Variants in SYNPO2 observed in about 807,000 individuals in gnomAD.
SYNPO2 encodes synaptopodin-2.
In SYNPO2, 56 loss-of-function variants were observed where a neutral mutation model predicts 85.0. The observed-to-expected ratio is 0.66, with a 90% confidence interval of 0.53 to 0.82. SYNPO2 has a LOEUF of 0.82. SYNPO2 is among the 40% of genes least tolerant of loss of function. SYNPO2 has a pLI of 0.00. For synonymous variants in SYNPO2, 602 were observed against 591.1 expected (o/e 1.02, Z -0.27); for missense variants, 1,575 against 1,534.2 (o/e 1.03, Z -0.44).
At position 119,031,702 on chromosome 4, in the gene SYNPO2, T is replaced by C; in HGVS notation, c.2927T>C (p.Leu976Ser). The change falls in exon 4 of 5, where the codon TTG becomes TCG. Residue 976 changes from leucine (L) to serine (S), a missense_variant. Leu to Ser is a moderately radical substitution (Grantham distance 145). This residue lies in a region of SYNPO2 where 1,508 missense variants were observed against 1,446.8 expected (regional missense o/e 1.04). Coordinates refer to ENST00000307142, the MANE Select transcript of SYNPO2 (RefSeq NM_133477.3). Reference protein sequence around the residue: ...KHQPYQLNASLFTFQPPDAKD... With the variant: ...KHQPYQLNASSFTFQPPDAKD... ...CAACCGTATCAGCTCAATGCATCCT[T>C]GTTTACTTTCCAACCTCCAGATGCA... is the stretch of plus-strand genomic sequence containing the variant. 1 of 1,614,184 alleles carries C rather than the reference T, an allele frequency of 6.2e-7. No individual in the cohort carries two copies. The highest frequency in any genetic ancestry group is 1.1e-5 in the South Asian group (1 of 91,082).
intron 4 of SYNPO2, among the ~76,000 whole-genome samples, chr4:119,049,368 T>A (rs571125546): frequency 1.3e-5 from 2 of 152,324 alleles, no homozygotes; most frequent in Admixed American, 1.3e-4. Flanking sequence ...TTTGTGATGA[T>A]CATTTACTGA....
intron 1 of SYNPO2, among the ~76,000 whole-genome samples, chr4:118,895,492 T>C (rs1228220263): frequency 2.6e-5 from 4 of 152,150 alleles, no homozygotes; most frequent in South Asian, 2.1e-4. Flanking sequence ...ATGTGTATGG[T>C]TTCTTCCGGG....
At chr4:118,935,623 G>T (rs754134718) in intron 1 of SYNPO2, among the ~76,000 whole-genome samples, 7 of 152,222 alleles carry the variant, frequency 4.6e-5, no homozygotes, top group Non-Finnish European at 1.0e-4. Flanking sequence ...AAATGCAGGC[G>T]CTGGGGCGCC....
intron 1 of SYNPO2, 110 bp from the exon 2 acceptor site, chr4:119,023,320 T>G (rs1737811861): frequency 3.3e-6 from 4 of 1,196,284 alleles, no homozygotes; most frequent in Non-Finnish European, 4.6e-6. Context: ...AACAGGTGAA[T>G]TAAAATTCAG....
intron 1 of SYNPO2, among the ~76,000 whole-genome samples, chr4:118,929,986 T>C (rs908307820): frequency 5.9e-5 from 9 of 152,156 alleles, no homozygotes; most frequent in Non-Finnish European, 8.8e-5. Context: ...GTTATAATGA[T>C]AAACGTCTTT....
chr4:119,013,127 A>G (rs768558526), intron 1 of SYNPO2, among the ~76,000 whole-genome samples: 1 of 152,192 alleles, frequency 6.6e-6, no homozygotes, highest in Non-Finnish European at 1.5e-5. Context: ...TGACATTTGC[A>G]TGGATAGTGC....
At chr4:119,017,170 A>G (rs1031514164) in intron 1 of SYNPO2, among the ~76,000 whole-genome samples, 9 of 152,288 alleles carry the variant, frequency 5.9e-5, no homozygotes, top group African/African-American at 1.9e-4. Flanking sequence ...TACACCTGTC[A>G]CCAGATTTGA....
At chr4:118,855,376 C>T (rs1731487132) in intron 1 of SYNPO2, among the ~76,000 whole-genome samples, 2 of 152,014 alleles carry the variant, frequency 1.3e-5, no homozygotes, top group South Asian at 4.1e-4. Context: ...TAATTACTCT[C>T]AATGGAGGCA....
At chr4:118,952,135 T>A (rs2149143047) in intron 1 of SYNPO2, among the ~76,000 whole-genome samples, 1 of 152,298 alleles carries the variant, frequency 6.6e-6, no homozygotes, top group African/African-American at 2.4e-5. Context: ...AGCTCTGGAA[T>A]AATTACAAGC....
chr4:119,049,486 G>A (rs1177159732), intron 4 of SYNPO2, among the ~76,000 whole-genome samples: 1 of 152,186 alleles, frequency 6.6e-6, no homozygotes, highest in African/African-American at 2.4e-5. Flanking sequence ...CAAGAGAATT[G>A]TATCACTTTC....
chr4:118,853,723 T>A (rs1731461339), intron 1 of SYNPO2, among the ~76,000 whole-genome samples: 1 of 152,130 alleles, frequency 6.6e-6, no homozygotes, highest in Non-Finnish European at 1.5e-5. Flanking sequence ...TTCAACATCA[T>A]TGCCTCCTAC....
chr4:119,007,261 T>TATATATATATGTATATAC (rs1737100897), intron 1 of SYNPO2, among the ~76,000 whole-genome samples: 2 of 29,360 alleles, frequency 6.8e-5, no homozygotes, highest in African/African-American at 2.0e-4. Context: ...TACATATATA[T>TATATATATATGTATATAC]ATATATATAT....
At chr4:119,056,146 G>A (rs1364456646) in intron 4 of SYNPO2, among the ~76,000 whole-genome samples, 1 of 152,188 alleles carries the variant, frequency 6.6e-6, no homozygotes, top group Non-Finnish European at 1.5e-5. Context: ...ATCTCACACA[G>A]CCTCATGCAT....
At chr4:118,990,622 T>G (rs1736381166) in intron 1 of SYNPO2, among the ~76,000 whole-genome samples, 1 of 152,116 alleles carries the variant, frequency 6.6e-6, no homozygotes, top group South Asian at 2.1e-4. Context: ...TGTTTGTTTG[T>G]TTTTGAGACA....
intron 4 of SYNPO2, 109 bp downstream of exon 4, chr4:119,032,136 G>A (rs760897235): frequency 6.6e-7 from 1 of 1,512,770 alleles, no homozygotes; most frequent in African/African-American, 1.4e-5. Context: ...AGAATGCCTA[G>A]CAAAGTCCTC....
intron 1 of SYNPO2, among the ~76,000 whole-genome samples, chr4:118,984,827 A>G (rs1736156339): frequency 6.6e-6 from 1 of 152,190 alleles, no homozygotes; most frequent in African/African-American, 2.4e-5. Context: ...GCTTGGTTCA[A>G]TGCATTTCAC....
chr4:118,984,967 A>G (rs1432240701), intron 1 of SYNPO2, among the ~76,000 whole-genome samples: 1 of 152,208 alleles, frequency 6.6e-6, no homozygotes, highest in Non-Finnish European at 1.5e-5. Flanking sequence ...TGTCATTGAC[A>G]TTAAGAAGTA....
At chr4:118,937,753 C>T (rs932187122) in intron 1 of SYNPO2, among the ~76,000 whole-genome samples, 10 of 152,260 alleles carry the variant, frequency 6.6e-5, no homozygotes, top group Middle Eastern at 3.4e-3. Context: ...TACTAGAGTG[C>T]CTGGCACATA....
chr4:118,871,243 C>A (rs777126918), intron 1 of SYNPO2, among the ~76,000 whole-genome samples: 18 of 152,156 alleles, frequency 1.2e-4, no homozygotes, highest in South Asian at 2.1e-4. Context: ...CCTCCCCACA[C>A]CTTCGTATCT....
Sources: allele counts gnomAD v4.1 joint callset (sites outside exome capture counted in the v4.1 genomes callset), GRCh38; gene constraint gnomAD v4.1.1; regional missense constraint gnomAD v4.1.1; transcripts MANE v1.5; gene names NCBI Gene and HGNC (gene_info 2026-07-23, HGNC 2026-07-21).